PTPN22: variants seen among roughly 807,000 people sequenced by gnomAD.
The protein encoded by PTPN22 is protein tyrosine phosphatase non-receptor type 22, also known as tyrosine-protein phosphatase non-receptor type 22.
In PTPN22, 85 loss-of-function variants were observed where a neutral mutation model predicts 103.3. That is an observed-to-expected ratio of 0.82 (90% confidence interval 0.69 to 0.99). The LOEUF is 0.99. PTPN22 is among the 50% of genes least tolerant of loss of function. The pLI is 0.00. For synonymous variants in PTPN22, 323 were observed against 310.2 expected, an observed-to-expected ratio of 1.04 and a Z score of -0.43; for missense variants, 865 against 936.9, an observed-to-expected ratio of 0.92 and a Z score of 1.00.
chr1:113,830,015 G>T lies in PTPN22; in HGVS notation c.2068C>A (p.Arg690Ser), dbSNP rs200154470. 7.5e-6 allele frequency: 12 copies of T among 1,601,208 alleles called. No homozygotes were observed. In the South Asian group the frequency reaches 1.3e-4, roughly 18 times the overall value. Residue 690 changes from arginine (R) to serine (S), a missense_variant, in exon 17 of 21, where the codon CGT (arginine) becomes AGT (serine). Physicochemically the swap from Arg to Ser is moderately radical, Grantham distance 110. This residue lies in a region of PTPN22 where 401 missense variants were observed against 388.6 expected (regional missense o/e 1.03). Coordinates refer to ENST00000359785, the Ensembl canonical transcript of PTPN22. ...GGGAGAGGAGGTGGGGGAGAAGAACGATCTTGATGTAGTTCTGTGATAAGA... is the reference window on the plus strand; with the variant it reads ...GGGAGAGGAGGTGGGGGAGAAGAACTATCTTGATGTAGTTCTGTGATAAGA...
intron 5 of PTPN22, 39 bp downstream of exon 5, chr1:113,857,699 C>T: frequency 6.3e-7 from 1 of 1,581,502 alleles, no homozygotes; most frequent in Admixed American, 1.7e-5. Flanking sequence ...TTCTTCTTTC[C>T]TTTGTTTTAA....
At chr1:113,867,578 C>G (rs184477985) in intron 1 of PTPN22, among the ~76,000 whole-genome samples, 18 of 152,304 alleles carry the variant, frequency 1.2e-4, no homozygotes, top group Admixed American at 3.9e-4. Context: ...TGTTTAATGT[C>G]TGCCTCTCTA....
In PTPN22 at chr1:113,841,672, G is replaced by A. The variant is rs558818950; in HGVS notation, c.916-3052C>T. ...GGCTAGAGTGCAGTGGTGCGATCTC[G>A]GCTCACTGCAGCCTCTGCCTCCTGG... On this transcript the variant is annotated intron_variant, in intron 11 of 20. Coordinates refer to ENST00000359785, the Ensembl canonical transcript of PTPN22. Among the ~76,000 whole-genome samples, 8 of 149,880 alleles carry A rather than the reference G, an allele frequency of 5.3e-5. No individual in the cohort carries two copies. The East Asian group carries it at 7.8e-4, about 15-fold the overall frequency.
exon 13 of PTPN22, chr1:113,837,772 C>T: frequency 6.2e-7 from 1 of 1,613,904 alleles, no homozygotes; most frequent in Non-Finnish European, 8.5e-7. Context: ...ACTGGTACCA[C>T]TTGGAGGCCA....
Position 113,838,317 on chromosome 1 carries a change from T to TC in PTPN22, c.1082_1083insG (p.Ile361MetfsTer13). Reference sequence around the variant, plus strand: ...GCAAAACTAGCTCTTCTTTTGCACTTATTTCAGAAGTCCTAAAGTCAAAGG... The same window carrying TC: ...GCAAAACTAGCTCTTCTTTTGCACTTCATTTCAGAAGTCCTAAAGTCAAAGG... On this transcript the variant is annotated frameshift_variant, in exon 13 of 21. Transcript: ENST00000359785. LOFTEE classifies it high-confidence loss of function. 1 of 1,612,566 alleles carries TC rather than the reference T, an allele frequency of 6.2e-7. No individual in the cohort carries two copies. The highest frequency in any genetic ancestry group is 8.5e-7 in the Non-Finnish European group (1 of 1,179,394).
At chr1:113,866,532 C>T (rs903426463) in intron 1 of PTPN22, among the ~76,000 whole-genome samples, 7 of 151,802 alleles carry the variant, frequency 4.6e-5, no homozygotes, top group Admixed American at 4.6e-4. Context: ...ACAACAACAA[C>T]AACAACAAAA....
At chr1:113,855,595 C>T (rs1246616457) in intron 7 of PTPN22, among the ~76,000 whole-genome samples, 1 of 151,344 alleles carries the variant, frequency 6.6e-6, no homozygotes, top group African/African-American at 2.4e-5. Flanking sequence ...CCTCATTATA[C>T]CAAGACAACA....
intron 18 of PTPN22, among the ~76,000 whole-genome samples, chr1:113,826,384 AGTGAAGGGAG>A (rs1292393263): frequency 7.8e-6 from 1 of 127,738 alleles, no homozygotes; most frequent in East Asian, 2.1e-4. Context: ...GAGGAAGGGA[AGTGAAGGGAG>A]AAGGGGAAGG....
At chr1:113,838,318 A>G in exon 13 of PTPN22, 1 of 1,612,172 alleles carries the variant, frequency 6.2e-7, no homozygotes, top group Non-Finnish European at 8.5e-7. Context: ...TTTTGCACTT[A>G]TTTCAGAAGT....
In PTPN22 at chr1:113,857,788, A is replaced by G. The variant is rs553203070; in HGVS notation, c.370-12T>C. On this transcript the variant is annotated splice_polypyrimidine_tract_variant and intron_variant, in intron 4 of 20. Coordinates refer to ENST00000359785, the Ensembl canonical transcript of PTPN22. ...GCCATAACAATGATCTGGGGGATGA[A>G]ATAGATAGAAACTTAAACATTCATA... 1.2e-6 allele frequency: 2 copies of G among 1,605,450 alleles called. No homozygotes were observed. Among genetic ancestry groups the G allele is most frequent in the South Asian group, 2.2e-5 (2 of 90,056 alleles).
intron 15 of PTPN22, 108 bp from the exon 16 acceptor site, chr1:113,833,246 G>A: frequency 1.3e-6 from 1 of 758,030 alleles, no homozygotes; most frequent in Non-Finnish European, 2.0e-6. Context: ...TAGCTGTAGA[G>A]ATAATTATGA....
intron 11 of PTPN22, among the ~76,000 whole-genome samples, chr1:113,842,180 A>C (rs960730152): frequency 2.6e-5 from 4 of 152,152 alleles, no homozygotes; most frequent in African/African-American, 9.7e-5. Context: ...ACTGGACTCC[A>C]GCCTGAATGA....
intron 16 of PTPN22, 142 bp from the exon 17 acceptor site, chr1:113,830,171 T>G: frequency 1.5e-6 from 1 of 673,812 alleles, no homozygotes; most frequent in Non-Finnish European, 2.5e-6. Flanking sequence ...GAAAAATGAC[T>G]GGAGCCTCAA....
intron 19 of PTPN22, among the ~76,000 whole-genome samples, chr1:113,824,248 C>T (rs1661859118): frequency 6.6e-6 from 1 of 152,110 alleles, no homozygotes; most frequent in Non-Finnish European, 1.5e-5. Context: ...ACTACAGGTG[C>T]ATGCCACCAC....
intron 11 of PTPN22, among the ~76,000 whole-genome samples, chr1:113,841,852 C>T (rs7533605): frequency 0.22 from 33,044 of 152,024 alleles, 4,497 homozygotes; most frequent in South Asian, 0.39. Context: ...ATCTGCCCGC[C>T]TCGGCCTCCC....
intron 1 of PTPN22, among the ~76,000 whole-genome samples, chr1:113,860,833 T>C (rs1028829070): frequency 6.6e-6 from 1 of 152,252 alleles, no homozygotes; most frequent in Non-Finnish European, 1.5e-5. Context: ...CTTGTTATAC[T>C]GTTTTTATTT....
rs375732315 is a variant in PTPN22 at position 113,838,524 on chromosome 1, A to G, written c.992+20T>C. The G allele has an allele frequency of 3.0e-5, 48 of 1,608,962 alleles. No individual in the cohort carries two copies. The South Asian group carries it at 3.2e-4, about 11-fold the overall frequency. On this transcript the variant is annotated intron_variant, in intron 12 of 20. Coordinates refer to ENST00000359785, the Ensembl canonical transcript of PTPN22. ...CCAGACACAATTAGTCAACATTTAG[A>G]TATATAAAATTGTACTCACCTTTTT...
intron 19 of PTPN22, among the ~76,000 whole-genome samples, chr1:113,821,483 G>A (rs1024605067): frequency 2.0e-5 from 3 of 151,962 alleles, no homozygotes; most frequent in South Asian, 2.1e-4. Flanking sequence ...CAACACGCCT[G>A]GGTAAATTTT....
intron 3 of PTPN22, among the ~76,000 whole-genome samples, chr1:113,858,801 G>T (rs1665310543): frequency 6.6e-6 from 1 of 151,942 alleles, no homozygotes; most frequent in Non-Finnish European, 1.5e-5. Flanking sequence ...CACCACACCT[G>T]GCTAATTTTT....
Sources: gnomAD v4.1 joint callset for allele counts (sites outside exome capture counted in the v4.1 genomes callset) on GRCh38, gnomAD v4.1.1 for gene constraint, gnomAD v4.1.1 regional missense constraint, MANE v1.5 for transcripts, NCBI Gene and HGNC (gene_info 2026-07-23, HGNC 2026-07-21) for gene names.